GBP5: variants seen among roughly 807,000 people sequenced by gnomAD.
GBP5 encodes the protein guanylate binding protein 5.
A neutral mutation model predicts 58.2 loss-of-function variants in GBP5; 48 were observed. The ratio of observed to expected loss-of-function variants is 0.83; its 90% confidence interval spans 0.65 to 1.05. The LOEUF is 1.05. Ranked by LOEUF, GBP5 falls within the 50% of genes least tolerant of loss-of-function variation. GBP5 has a pLI of 0.00. For synonymous variants in GBP5, 248 were observed against 251.8 expected (o/e 0.98, Z 0.14); for missense variants, 714 against 686.8 (o/e 1.04, Z -0.44).
rs1012779642 is a variant in GBP5, at chr1:89,258,349, T to C, written c.*2355A>G. ...TAAAAAATTTCTTTAAGATGGGTAATAAAGATATCAATATTTAATTTGGAG... is the reference window on the plus strand; with the variant it reads ...TAAAAAATTTCTTTAAGATGGGTAACAAAGATATCAATATTTAATTTGGAG... On this transcript the variant is annotated 3_prime_UTR_variant, in exon 12 of 12. Transcript: ENST00000370459. 3.3e-5 allele frequency among the ~76,000 whole-genome samples: 5 copies of C among 152,180 alleles called. No homozygotes were observed. The highest frequency in any genetic ancestry group is 1.2e-4 in the African/African-American group (5 of 41,446).
In GBP5 at chr1:89,261,957, C is replaced by T. The variant is rs1650018337; in HGVS notation, c.1647+263G>A. On this transcript the variant is annotated intron_variant, in intron 11 of 11. Coordinates refer to ENST00000370459, the MANE Select transcript of GBP5 (RefSeq NM_052942.5). ...GGCACCATTTAAACACAAATATTAA[C>T]TCATTTAATTATCAAAATAACCCTA... The T allele has an allele frequency of 1.4e-5, 6 of 441,916 alleles. No individual in the cohort carries two copies. The South Asian group carries it at 2.7e-4, about 20-fold the overall frequency. 27.4% of individuals were successfully genotyped at this position (441,916 alleles called of 1,614,324 possible).
At chr1:89,263,559 G>A (rs1650091947) in intron 9 of GBP5, 177 bp downstream of exon 9, 1 of 552,820 alleles carries the variant, frequency 1.8e-6, no homozygotes, top group South Asian at 2.4e-5. Context: ...TCTGTGCGAG[G>A]AACACCAACA....
Position 89,269,448 on chromosome 1 carries a change from T to G in GBP5, c.108A>C (p.Gln36His). The G allele has an allele frequency of 6.2e-7, 1 of 1,614,060 alleles. No individual in the cohort carries two copies. The highest frequency in any genetic ancestry group is 1.7e-5 in the Admixed American group (1 of 60,006). The change falls in exon 3 of 12, where the codon CAA (glutamine) becomes CAC (histidine). Residue 36 changes from glutamine (Q) to histidine (H), a missense_variant. By Grantham distance (24) the Gln-to-His change is conservative. Coordinates refer to ENST00000370459, the MANE Select transcript of GBP5 (RefSeq NM_052942.5). ...CCACAATCGCTACCACAACTACAGG[T>G]TGCGTAATGGCAGACAGGATCTCCA... The part of the protein sequence containing the change: ...EALEILSAIT[Q>H]PVVVVAIVGL...
At chr1:89,265,200 A>G (rs1030010120) in intron 7 of GBP5, among the ~76,000 whole-genome samples, 1 of 152,174 alleles carries the variant, frequency 6.6e-6, no homozygotes, top group African/African-American at 2.4e-5. Context: ...AGGAAATTTC[A>G]AGGTGTTTGT....
rs971309648 is a variant in GBP5 at position 89,256,420 on chromosome 1, C to T, written c.*4284G>A. Among the ~76,000 whole-genome samples the T allele has an allele frequency of 2.7e-4, 41 of 152,258 alleles. No homozygotes were observed. Among genetic ancestry groups the T allele is most frequent in the African/African-American group, 9.4e-4 (39 of 41,550 alleles). On this transcript the variant is annotated 3_prime_UTR_variant, in exon 12 of 12. Transcript: ENST00000370459. ...ATACACCTATAGAATTTTAGTAATG[C>T]TGAATGTATGTACCTGGGTTGTTAC...
chr1:89,269,308 G>A, intron 3 of GBP5, 58 bp downstream of exon 3: 1 of 1,523,736 alleles, frequency 6.6e-7, no homozygotes, highest in Non-Finnish European at 9.1e-7. Context: ...CCTCGTACTG[G>A]ATGGTGACTG....
chr1:89,264,862 C>T lies in GBP5; in HGVS notation c.973G>A (p.Ala325Thr). The T allele has an allele frequency of 1.2e-6, 2 of 1,614,182 alleles. No homozygotes were observed. The highest frequency in any genetic ancestry group is 1.7e-6 in the Non-Finnish European group (2 of 1,180,044). ...TAGTGGGCAATGGCCTTTTGCACTGCAGCTGAGTTCTCTCTCTGAGCCAAG... is the reference window on the plus strand; with the variant it reads ...TAGTGGGCAATGGCCTTTTGCACTGTAGCTGAGTTCTCTCTCTGAGCCAAG... Reference protein sequence around the residue: ...LALAQRENSAAVQKAIAHYDQ... With the variant: ...LALAQRENSATVQKAIAHYDQ... The change falls in exon 8 of 12, where the codon GCA becomes ACA. Residue 325 changes from alanine (A) to threonine (T), a missense_variant. Transcript: ENST00000370459.
intron 7 of GBP5, 64 bp downstream of exon 7, chr1:89,266,282 C>T: frequency 7.3e-7 from 1 of 1,371,482 alleles, no homozygotes; most frequent in Non-Finnish European, 1.0e-6. Context: ...CAAGGATAAT[C>T]TTATAAAAAG....
chr1:89,272,819 G>A lies in GBP5; in HGVS notation c.-495C>T, dbSNP rs1427239611. 2 of 153,114 alleles carry A rather than the reference G, an allele frequency of 1.3e-5. No homozygotes were observed. Among genetic ancestry groups the A allele is most frequent in the Non-Finnish European group, 2.9e-5 (2 of 68,746 alleles). 9.5% of individuals were successfully genotyped at this position (153,114 alleles called of 1,614,324 possible). A position where few individuals can be genotyped will look rare whatever the true frequency, so the allele number is the denominator to read the frequency against. On this transcript the variant is annotated 5_prime_UTR_variant, in exon 1 of 12. Transcript: ENST00000370459. ...GCAGCAGCAAGATTTATTGCAAAGA[G>A]TGAAAGAACAAAGGTTCCACAGCCT...
intron 4 of GBP5, among the ~76,000 whole-genome samples, chr1:89,268,283 C>T (rs182840658): frequency 6.6e-6 from 1 of 152,254 alleles, no homozygotes; most frequent in African/African-American, 2.4e-5. Context: ...GCCCATGTAT[C>T]TACTGTTTTT....
chr1:89,266,641 T>C (rs954756909), intron 6 of GBP5, 53 bp from the exon 7 acceptor site: 48 of 1,464,834 alleles, frequency 3.3e-5, no homozygotes, highest in Middle Eastern at 1.9e-4. Context: ...CTCATTTTCA[T>C]TTATTTACCT....
At chr1:89,272,040 A>G (rs1437932645) in intron 1 of GBP5, 1 of 152,206 alleles carries the variant, frequency 6.6e-6, no homozygotes, top group African/African-American at 2.4e-5. Flanking sequence ...TTTGCAAGCT[A>G]CTTACATTGC....
chr1:89,271,867 G>T (rs971567066), intron 1 of GBP5: 1 of 152,190 alleles, frequency 6.6e-6, no homozygotes, highest in Non-Finnish European at 1.5e-5. Context: ...CACAAAAGGG[G>T]TTAGTTAAGT....
intron 1 of GBP5, 163 bp from the exon 2 acceptor site, chr1:89,271,025 T>C (rs1650425496): frequency 1.3e-5 from 2 of 152,234 alleles, no homozygotes; most frequent in African/African-American, 4.8e-5. Context: ...ACATTAATAA[T>C]AGTATTTGAC....
chr1:89,264,956 G>A lies in GBP5; in HGVS notation c.879C>T (p.Asn293=), dbSNP rs1161468830. Reference sequence around the variant, plus strand: ...TGGCATTGACATAGGTCAGCACCAGGTTCTTTAGACCTTCATGGAAGAAAG... The same window carrying A: ...TGGCATTGACATAGGTCAGCACCAGATTCTTTAGACCTTCATGGAAGAAAG... ...GIMVNGSRLK[N]LVLTYVNAIS... Residue 293 remains asparagine (N), a synonymous_variant, in exon 8 of 12, where the codon AAC becomes AAT. Transcript: ENST00000370459. 6.2e-7 allele frequency: 1 copy of A among 1,611,850 alleles called. No individual in the cohort carries two copies. The highest frequency in any genetic ancestry group is 1.3e-5 in the African/African-American group (1 of 74,866).
intron 9 of GBP5, chr1:89,263,422 T>TA: frequency 4.0e-6 from 1 of 252,000 alleles, no homozygotes; most frequent in Non-Finnish European, 7.7e-6. Flanking sequence ...TAGTTTCAAG[T>TA]ATTGGCATTC....
chr1:89,272,017 C>G (rs990517054), intron 1 of GBP5: 2 of 152,104 alleles, frequency 1.3e-5, no homozygotes, highest in African/African-American at 4.8e-5. Flanking sequence ...ACATTTTTTT[C>G]TTGTCCTTAA....
chr1:89,263,794 A>T lies in GBP5; in HGVS notation c.1304T>A (p.Ile435Asn), dbSNP rs1487537105. 6.2e-7 allele frequency: 1 copy of T among 1,613,828 alleles called. No individual in the cohort carries two copies. Among genetic ancestry groups the T allele is most frequent in the South Asian group, 1.1e-5 (1 of 91,054 alleles). ...TGCCTTCAGTTCTTCTGTTTTCTGAATGAAGAGATTATGGCCTCCTGGCTT... is the reference window on the plus strand; with the variant it reads ...TGCCTTCAGTTCTTCTGTTTTCTGATTGAAGAGATTATGGCCTCCTGGCTT... ...YSKPGGHNLF[I>N]QKTEELKAKY... Residue 435 changes from isoleucine to asparagine, a missense_variant, in exon 9 of 12, where the codon ATT (isoleucine) becomes AAT (asparagine). Transcript: ENST00000370459.
At chr1:89,268,057 T>C (rs1394483719) in intron 4 of GBP5, among the ~76,000 whole-genome samples, 2 of 152,140 alleles carry the variant, frequency 1.3e-5, no homozygotes, top group East Asian at 3.8e-4. Flanking sequence ...AAAGATCCAG[T>C]TGTGTGCTGG....
Sources: gnomAD v4.1 joint callset for allele counts (sites outside exome capture counted in the v4.1 genomes callset) on GRCh38, gnomAD v4.1.1 for gene constraint, MANE v1.5 for transcripts, NCBI Gene and HGNC (gene_info 2026-07-23, HGNC 2026-07-21) for gene names.